The following UNC5A variants were observed in gnomAD, a reference collection of about 807,000 sequenced individuals.
The protein encoded by UNC5A is netrin receptor UNC5A.
In UNC5A, 20 loss-of-function variants were observed where a neutral mutation model predicts 87.4. That is an observed-to-expected ratio of 0.23 (90% CI 0.16 to 0.33). UNC5A has a LOEUF of 0.33. Ranked by LOEUF, UNC5A falls within the 10% of genes least tolerant of loss-of-function variation. UNC5A has a pLI of 1.00. For synonymous variants in UNC5A, 438 were observed against 482.3 expected (o/e 0.91, Z 1.20); for missense variants, 844 against 1,133.4 (o/e 0.74, Z 3.67).
Position 176,842,492 on chromosome 5 carries a change from G to GATATATAT in UNC5A, c.71-20121_71-20114dup, listed in dbSNP as rs35268512. On this transcript the variant is annotated intron_variant, in intron 1 of 14. Coordinates refer to ENST00000329542, the MANE Select transcript of UNC5A (RefSeq NM_133369.3). Reference sequence around the variant, plus strand: ...GTCAATCAACAAATGGAGAAACTGTGATATATATATATATATATGATGGAA... The same window carrying GATATATAT: ...GTCAATCAACAAATGGAGAAACTGTGATATATATATATATATATATATATATGATGGAA... Among the ~76,000 whole-genome samples, 151 of 145,658 alleles carry GATATATAT rather than the reference G, an allele frequency of 1.0e-3. 3 individuals carry two copies. The highest frequency in any genetic ancestry group is 3.9e-3 in the African/African-American group (146 of 37,754).
intron 1 of UNC5A, among the ~76,000 whole-genome samples, chr5:176,811,602 T>TG: frequency 2.3e-5 from 1 of 43,330 alleles, no homozygotes; most frequent in Non-Finnish European, 7.0e-5. Flanking sequence ...CTCATTCCCT[T>TG]GGGAGGGGCT....
At position 176,862,836 on chromosome 5, in the gene UNC5A, G is replaced by A. The variant is rs140306147; in HGVS notation, c.283G>A (p.Gly95Arg). Reference sequence around the variant, plus strand: ...CCACGTGATCGAGCGCAGCACAGACGGGAGCAGTGGTGAGCCGCATGGGGC... The same window carrying A: ...CCACGTGATCGAGCGCAGCACAGACAGGAGCAGTGGTGAGCCGCATGGGGC... ...VDHVIERSTD[G>R]SSGLPTMEVR... Residue 95 changes from glycine to arginine, a missense_variant, in exon 2 of 15, where the codon GGG becomes AGG. Around this residue, in one of 3 missense-constraint regions of UNC5A, gnomAD observed 314 missense variants for 466.5 expected, o/e 0.67. Coordinates refer to ENST00000329542, the MANE Select transcript of UNC5A (RefSeq NM_133369.3). The A allele has an allele frequency of 4.6e-5, 75 of 1,612,984 alleles. No homozygotes were observed. The highest frequency in any genetic ancestry group is 4.3e-4 in the African/African-American group (32 of 75,046).
At chr5:176,861,708 C>T (rs933150850) in intron 1 of UNC5A, among the ~76,000 whole-genome samples, 1 of 152,206 alleles carries the variant, frequency 6.6e-6, no homozygotes, top group East Asian at 1.9e-4. Context: ...CACTCGCTCC[C>T]CAAGGTCACC....
chr5:176,827,307 C>T (rs775676002), intron 1 of UNC5A, among the ~76,000 whole-genome samples: 7 of 151,754 alleles, frequency 4.6e-5, no homozygotes, highest in Non-Finnish European at 7.4e-5. Context: ...CTCAGCCTCC[C>T]GAGTAGCTGG....
At position 176,875,633 on chromosome 5, in the gene UNC5A, C is replaced by T. The variant is rs1056518996; in HGVS notation, c.1378+1067C>T. ...AAGCCAGAGTTGATCATGACCCTCT[C>T]GTGCTCGAATCCCTTCTGGGCTCCC... is the stretch of plus-strand genomic sequence containing the variant. On this transcript the variant is annotated intron_variant, in intron 8 of 14. Transcript: ENST00000329542. The surrounding 1 kb of genome is among the most constrained non-coding windows in gnomAD (Gnocchi z 5.2). Among the ~76,000 whole-genome samples, 4 of 152,328 alleles carry T rather than the reference C, an allele frequency of 2.6e-5. No homozygotes were observed. Among genetic ancestry groups the T allele is most frequent in the Non-Finnish European group, 2.9e-5 (2 of 68,030 alleles).
intron 1 of UNC5A, among the ~76,000 whole-genome samples, chr5:176,813,732 C>T (rs924914321): frequency 3.9e-5 from 6 of 152,226 alleles, no homozygotes; most frequent in African/African-American, 1.4e-4. Flanking sequence ...CCTGTCCTCA[C>T]GACCCTTCTT....
At chr5:176,829,178 AT>A (rs1756928708) in intron 1 of UNC5A, among the ~76,000 whole-genome samples, 1 of 124,700 alleles carries the variant, frequency 8.0e-6, no homozygotes, top group Non-Finnish European at 1.7e-5. Context: ...GGATGGATGG[AT>A]GGATGGATGG....
At chr5:176,812,425 G>A (rs1049530175) in intron 1 of UNC5A, among the ~76,000 whole-genome samples, 1 of 152,198 alleles carries the variant, frequency 6.6e-6, no homozygotes, top group East Asian at 1.9e-4. Flanking sequence ...TGTGTGCCCG[G>A]GTAACCAGGG....
At chr5:176,821,915 C>G (rs930231192) in intron 1 of UNC5A, among the ~76,000 whole-genome samples, 15 of 152,182 alleles carry the variant, frequency 9.9e-5, no homozygotes, top group African/African-American at 3.1e-4. Context: ...AATTGACTTC[C>G]CAGGCTGGAA....
rs1039809492 is a variant in UNC5A, at chr5:176,821,682, C to T, written c.70+10862C>T. Among the ~76,000 whole-genome samples, 6 of 152,236 alleles carry T rather than the reference C, an allele frequency of 3.9e-5. No homozygotes were observed. The South Asian group carries it at 1.2e-3, about 32-fold the overall frequency. On this transcript the variant is annotated intron_variant, in intron 1 of 14. Coordinates refer to ENST00000329542, the MANE Select transcript of UNC5A (RefSeq NM_133369.3). The stretch of plus-strand genomic sequence containing the variant: ...TGTGATGTCAACTGGCTTAAAAATT[C>T]TAGAAATTGTAGTGATTGGCTGTCC...
At chr5:176,834,346 C>T (rs1056784976) in intron 1 of UNC5A, among the ~76,000 whole-genome samples, 1 of 152,144 alleles carries the variant, frequency 6.6e-6, no homozygotes, top group Non-Finnish European at 1.5e-5. Context: ...CCAGCTGGAC[C>T]GATCTGTCTC....
In UNC5A at chr5:176,848,336, G is replaced by C. The variant is rs1757463405; in HGVS notation, c.71-14288G>C. Among the ~76,000 whole-genome samples the C allele has an allele frequency of 6.6e-6, 1 of 152,082 alleles. No homozygotes were observed. Among genetic ancestry groups the C allele is most frequent in the Non-Finnish European group, 1.5e-5 (1 of 68,016 alleles). ...GCCCTGGGACTCAGGGCCCAGACAG[G>C]GCAGCGGCTCATCTGAGGCTGCATA... On this transcript the variant is annotated intron_variant, in intron 1 of 14. Transcript: ENST00000329542. This position sits in a 1 kb window ranked among gnomAD's most constrained non-coding sequence, Gnocchi z 5.8.
chr5:176,829,458 ATGGT>A (rs1426978316), intron 1 of UNC5A, among the ~76,000 whole-genome samples: 2 of 118,932 alleles, frequency 1.7e-5, no homozygotes, highest in African/African-American at 3.4e-5. Context: ...AAGTGGGTGG[ATGGT>A]TGGGTGGGTG....
At position 176,874,505 on chromosome 5, in the gene UNC5A, C is replaced by A; in HGVS notation, c.1317C>A (p.Thr439=). 6.2e-7 allele frequency: 1 copy of A among 1,608,740 alleles called. No individual in the cohort carries two copies. Among genetic ancestry groups the A allele is most frequent in the Non-Finnish European group, 8.5e-7 (1 of 1,176,968 alleles). Residue 439 remains threonine (T), a synonymous_variant, in exon 8 of 15, where the codon ACC becomes ACA. Transcript: ENST00000329542. This position sits in a 1 kb window ranked among gnomAD's most constrained non-coding sequence, Gnocchi z 7.6. ...QNYFRSLPRG[T]SNMTYGTFNF... ...ACTTCCGCTCCCTGCCCCGAGGCAC[C>A]AGCAACATGACCTATGGGACCTTCA...
chr5:176,858,281 T>A (rs2113645247), intron 1 of UNC5A, among the ~76,000 whole-genome samples: 1 of 150,636 alleles, frequency 6.6e-6, no homozygotes, highest in Non-Finnish European at 1.5e-5. Flanking sequence ...CCCAGGAGAG[T>A]TGAGGTAGGG....
At chr5:176,851,299 C>T (rs1239927988) in intron 1 of UNC5A, among the ~76,000 whole-genome samples, 2 of 152,196 alleles carry the variant, frequency 1.3e-5, no homozygotes, top group African/African-American at 4.8e-5. Flanking sequence ...GTGTGGGTGC[C>T]GTGACGGCTG....
chr5:176,829,892 T>TTTTTTTTTTTTTTA (rs1561643558), intron 1 of UNC5A, among the ~76,000 whole-genome samples: 1 of 146,046 alleles, frequency 6.8e-6, no homozygotes, highest in African/African-American at 2.5e-5. Flanking sequence ...TTTTTTTTTT[T>TTTTTTTTTTTTTTA]GAGATGGAAT....
Position 176,838,223 on chromosome 5 carries a change from G to A in UNC5A, c.71-24401G>A, listed in dbSNP as rs560005017. Among the ~76,000 whole-genome samples the A allele has an allele frequency of 5.3e-5, 8 of 152,324 alleles. No homozygotes were observed. The highest frequency in any genetic ancestry group is 3.3e-4 in the Admixed American group (5 of 15,306). ...GGGGAAGGAGCTGGAGAGGTGGGAA[G>A]TAGGGATTGGTGAGGCCTAATTCAG... On this transcript the variant is annotated intron_variant, in intron 1 of 14. Transcript: ENST00000329542. The surrounding 1 kb of genome is among the most constrained non-coding windows in gnomAD (Gnocchi z 4.2).
chr5:176,814,924 C>T lies in UNC5A; in HGVS notation c.70+4104C>T, dbSNP rs561813577. 1.3e-3 allele frequency among the ~76,000 whole-genome samples: 196 copies of T among 152,310 alleles called. 1 individual carries two copies. The highest frequency in any genetic ancestry group is 4.4e-3 in the African/African-American group (184 of 41,570). The stretch of plus-strand genomic sequence containing the variant: ...CAACCATCCCATCCCTGTCCCTGAA[C>T]ACGGACTGCCATGCTCCAGGGAAGC... On this transcript the variant is annotated intron_variant, in intron 1 of 14. Coordinates refer to ENST00000329542, the MANE Select transcript of UNC5A (RefSeq NM_133369.3).
Sources: gnomAD v4.1 joint callset for allele counts (sites outside exome capture counted in the v4.1 genomes callset) on GRCh38, gnomAD v4.1.1 for gene constraint, gnomAD v4.1.1 regional missense constraint, Gnocchi (gnomAD v3.1) non-coding constraint, MANE v1.5 for transcripts, NCBI Gene and HGNC (gene_info 2026-07-23, HGNC 2026-07-21) for gene names.